The following NTM variants were observed in gnomAD, a reference collection of about 807,000 sequenced individuals.
NTM encodes neurotrimin, also known as IgLON family member 2.
In NTM, 13 loss-of-function variants were observed where a neutral mutation model predicts 42.1. That is an observed-to-expected ratio of 0.31 (90% CI 0.20 to 0.49). The LOEUF is 0.49. Among genes scored for constraint, NTM ranks in the 20% least tolerant of loss-of-function variants. The pLI, the probability that NTM is intolerant of heterozygous loss-of-function variation, is 0.99. For missense variants in NTM, 373 were observed against 452.8 expected, an observed-to-expected ratio of 0.82 and a Z score of 1.60; for synonymous variants, 187 against 179.2, an observed-to-expected ratio of 1.04 and a Z score of -0.35.
chr11:131,516,427 G>T (rs1414708704), intron 1 of NTM, among the ~76,000 whole-genome samples: 2 of 152,184 alleles, frequency 1.3e-5, no homozygotes, highest in African/African-American at 4.8e-5. Flanking sequence ...TGCCCAGGCT[G>T]GAGAGCAGTG....
At chr11:131,929,400 T>C (rs1278371445) in intron 2 of NTM, among the ~76,000 whole-genome samples, 1 of 151,618 alleles carries the variant, frequency 6.6e-6, no homozygotes, top group Non-Finnish European at 1.5e-5. Flanking sequence ...CTTCGTCTTA[T>C]GGGAAGCCCC....
chr11:132,254,760 G>C (rs111440993), intron 4 of NTM, among the ~76,000 whole-genome samples: 1 of 152,128 alleles, frequency 6.6e-6, no homozygotes, highest in Admixed American at 6.5e-5. Context: ...GGATGGGTTT[G>C]GATGGTTTCC....
At chr11:131,532,959 A>T (rs1480130936) in intron 1 of NTM, among the ~76,000 whole-genome samples, 3 of 151,738 alleles carry the variant, frequency 2.0e-5, no homozygotes. Flanking sequence ...AGTTGTGACT[A>T]CCAGGAGATC....
chr11:131,541,173 C>T (rs2053187758), intron 1 of NTM, among the ~76,000 whole-genome samples: 1 of 152,142 alleles, frequency 6.6e-6, no homozygotes, highest in Non-Finnish European at 1.5e-5. Flanking sequence ...GGCAGGCTGC[C>T]TCCCCGTCCT....
intron 1 of NTM, among the ~76,000 whole-genome samples, chr11:131,387,903 G>T (rs914331596): frequency 2.0e-5 from 3 of 152,188 alleles, no homozygotes; most frequent in Non-Finnish European, 4.4e-5. Flanking sequence ...AATCTGCCCT[G>T]GGAAAAGAGA....
intron 1 of NTM, among the ~76,000 whole-genome samples, chr11:131,612,178 C>T (rs1384725283): frequency 6.6e-6 from 1 of 152,172 alleles, no homozygotes; most frequent in East Asian, 1.9e-4. Context: ...CATGGGCCAC[C>T]TTGGAAGTGG....
intron 4 of NTM, among the ~76,000 whole-genome samples, chr11:132,303,724 AAAAAAAAC>A (rs1366835141): frequency 1.3e-5 from 2 of 150,000 alleles, no homozygotes; most frequent in Non-Finnish European, 1.5e-5. Flanking sequence ...AAAAAAAAAA[AAAAAAAAC>A]AATCTGTGAA....
intron 1 of NTM, among the ~76,000 whole-genome samples, chr11:131,501,345 A>T (rs900452927): frequency 5.3e-5 from 8 of 152,098 alleles, no homozygotes; most frequent in African/African-American, 1.7e-4. Flanking sequence ...CCCTCTGAGG[A>T]GGTGAGTTTG....
Position 131,789,973 on chromosome 11 carries a change from A to AAG in NTM, c.83-121590_83-121589insGA, listed in dbSNP as rs1555128818. 2.0e-5 allele frequency among the ~76,000 whole-genome samples: 3 copies of AAG among 150,416 alleles called. No individual in the cohort carries two copies. In the East Asian group the frequency reaches 6.1e-4, roughly 31 times the overall value. ...TCCGTCTCAAAAAAAAAAAAAAAAA[A>AAG]AAAAAAAAGCATGCTTCTCAATGAA... On this transcript the variant is annotated intron_variant, in intron 1 of 8. Coordinates refer to ENST00000683400, the MANE Select transcript of NTM (RefSeq NM_001352005.2).
chr11:132,235,347 C>T (rs1464484936), intron 4 of NTM, among the ~76,000 whole-genome samples: 2 of 151,796 alleles, frequency 1.3e-5, no homozygotes, highest in African/African-American at 4.8e-5. Context: ...GGTGTGTGTG[C>T]ATGTGTGTGA....
At chr11:131,650,476 G>A (rs775456539) in intron 1 of NTM, among the ~76,000 whole-genome samples, 17 of 152,092 alleles carry the variant, frequency 1.1e-4, no homozygotes, top group African/African-American at 2.2e-4. Flanking sequence ...TTGAAAGTTC[G>A]GTCCAGCCTT....
In NTM at chr11:132,003,447, T is replaced by G. The variant is rs1190166829; in HGVS notation, c.167+91799T>G. Among the ~76,000 whole-genome samples the G allele has an allele frequency of 2.0e-5, 3 of 152,030 alleles. No individual in the cohort carries two copies. In the East Asian group the frequency reaches 5.8e-4, roughly 29 times the overall value. On this transcript the variant is annotated intron_variant, in intron 2 of 8. Coordinates refer to ENST00000683400, the MANE Select transcript of NTM (RefSeq NM_001352005.2). The surrounding 1 kb of genome is among the most constrained non-coding windows in gnomAD (Gnocchi z 6.0). The stretch of plus-strand genomic sequence containing the variant: ...TTTATGTAGAGACAGACTGTCCTTA[T>G]ATTTCCCAGGCTGCTCTTGAGTTCC...
rs1565686543 is a variant in NTM at position 131,598,848 on chromosome 11, T to TTCCTTCCTTCCTTC, written c.82+227960_82+227961insTCCTTCCTTCCTTC. Among the ~76,000 whole-genome samples, 7 of 41,192 alleles carry TTCCTTCCTTCCTTC rather than the reference T, an allele frequency of 1.7e-4. 1 individual carries two copies. Among genetic ancestry groups the TTCCTTCCTTCCTTC allele is most frequent in the African/African-American group, 5.4e-4 (7 of 12,890 alleles). The allele number at this position is 41,192 out of a possible 152,430, so 27.0% of individuals were successfully genotyped here. A position where few individuals can be genotyped will look rare whatever the true frequency, so the allele number is the denominator to read the frequency against. ...TTTCTTCTTTCTTTCTTTCTTTCTT[T>TTCCTTCCTTCCTTC]CTTCCTTCCTTCCTTCCTTCCTTCC... On this transcript the variant is annotated intron_variant, in intron 1 of 8. Coordinates refer to ENST00000683400, the MANE Select transcript of NTM (RefSeq NM_001352005.2).
At chr11:131,390,745 G>T (rs1943898617) in intron 1 of NTM, among the ~76,000 whole-genome samples, 1 of 152,156 alleles carries the variant, frequency 6.6e-6, no homozygotes, top group Non-Finnish European at 1.5e-5. Flanking sequence ...GCAGCATCAG[G>T]GTCCCCTGGC....
At chr11:131,786,995 TTTTGTGAGCA>T (rs144159210) in intron 1 of NTM, among the ~76,000 whole-genome samples, 7,467 of 152,306 alleles carry the variant, frequency 0.049, 623 homozygotes, top group African/African-American at 0.17. Context: ...GCATATGCTA[TTTTGTGAGCA>T]TTAGTATTAC....
chr11:131,409,966 C>T (rs902285682), intron 1 of NTM, among the ~76,000 whole-genome samples: 1 of 152,082 alleles, frequency 6.6e-6, no homozygotes, highest in African/African-American at 2.4e-5. Flanking sequence ...AAGGAAGATG[C>T]AGGTAGAGGA....
intron 1 of NTM, among the ~76,000 whole-genome samples, chr11:131,498,221 A>C (rs1955553436): frequency 6.6e-6 from 1 of 152,166 alleles, no homozygotes; most frequent in Admixed American, 6.5e-5. Flanking sequence ...GACAGACCCA[A>C]GTTCAAACTC....
chr11:132,271,443 C>T (rs1385253006), intron 4 of NTM, among the ~76,000 whole-genome samples: 1 of 152,172 alleles, frequency 6.6e-6, no homozygotes, highest in Non-Finnish European at 1.5e-5. Flanking sequence ...GGTAGGTTAA[C>T]TACATTTCAC....
chr11:131,428,970 G>T (rs1230293231), intron 1 of NTM, among the ~76,000 whole-genome samples: 3 of 151,382 alleles, frequency 2.0e-5, no homozygotes, highest in Admixed American at 6.6e-5. Flanking sequence ...CAGGAGAATT[G>T]TTCGAACCCA....
Sources: gnomAD v4.1 joint callset for allele counts (sites outside exome capture counted in the v4.1 genomes callset) on GRCh38, gnomAD v4.1.1 for gene constraint, Gnocchi (gnomAD v3.1) non-coding constraint, MANE v1.5 for transcripts, NCBI Gene and HGNC (gene_info 2026-07-23, HGNC 2026-07-21) for gene names.